The following SAMHD1 variants were observed in gnomAD, a reference collection of about 807,000 sequenced individuals.
The protein encoded by SAMHD1 is SAM and HD domain containing deoxynucleoside triphosphate triphosphohydrolase 1.
Under a neutral mutation model 79.6 loss-of-function variants are expected in SAMHD1, and 54 were observed. The observed-to-expected ratio is 0.68, with a 90% CI of 0.55 to 0.85. The LOEUF (loss-of-function observed/expected upper bound fraction) is 0.85. SAMHD1 is among the 40% of genes least tolerant of loss of function. The pLI, the probability that SAMHD1 is intolerant of heterozygous loss-of-function variation, is 0.00. For synonymous variants in SAMHD1, 260 were observed against 264.1 expected, an observed-to-expected ratio of 0.98 and a Z score of 0.15; for missense variants, 663 against 782.7, an observed-to-expected ratio of 0.85 and a Z score of 1.82.
intron 4 of SAMHD1, 197 bp from the exon 5 acceptor site, chr20:36,931,072 C>A: frequency 1.6e-6 from 1 of 610,286 alleles, no homozygotes; most frequent in Non-Finnish European, 3.0e-6. Context: ...TCAATATCAC[C>A]AATCATTAGA....
At chr20:36,904,546 G>A (rs1382395607) in intron 12 of SAMHD1, 16 of 358,428 alleles carry the variant, frequency 4.5e-5, no homozygotes, top group Admixed American at 3.6e-4. Flanking sequence ...GTGAAACCCC[G>A]TCTCTACTAA....
chr20:36,920,831 T>C (rs1185609182), intron 6 of SAMHD1, among the ~76,000 whole-genome samples: 1 of 151,412 alleles, frequency 6.6e-6, no homozygotes, highest in Non-Finnish European at 1.5e-5. Flanking sequence ...TTTGTAATCC[T>C]AGCATTTTTT....
At chr20:36,912,895 T>TG (rs1162498610) in intron 9 of SAMHD1, among the ~76,000 whole-genome samples, 3 of 128,626 alleles carry the variant, frequency 2.3e-5, no homozygotes, top group East Asian at 4.2e-4. Context: ...CTTTGTTTTT[T>TG]TTTTTTTTTT....
intron 11 of SAMHD1, among the ~76,000 whole-genome samples, chr20:36,906,882 C>G (rs1340736454): frequency 6.6e-6 from 1 of 151,678 alleles, no homozygotes; most frequent in Non-Finnish European, 1.5e-5. Flanking sequence ...ACCTCTACCT[C>G]CTAGGTTCAA....
At chr20:36,935,500 T>A (rs1282368435) in intron 3 of SAMHD1, 2 of 374,282 alleles carry the variant, frequency 5.3e-6, no homozygotes, top group Non-Finnish European at 1.0e-5. Context: ...AAGTTAAACA[T>A]GCATATTCAT....
rs771698070 is a variant in SAMHD1, at chr20:36,947,405, GGTGTGTGTGT to G, written c.209-611_209-602del. Among the ~76,000 whole-genome samples the G allele has an allele frequency of 5.2e-4, 15 of 29,122 alleles. No individual in the cohort carries two copies. In the South Asian group the frequency reaches 6.0e-3, roughly 12 times the overall value. 19.1% of individuals were successfully genotyped at this position (29,122 alleles called of 152,430 possible). A position where few individuals can be genotyped will look rare whatever the true frequency, so the allele number is the denominator to read the frequency against. On this transcript the variant is annotated intron_variant, in intron 1 of 15. Coordinates refer to ENST00000646673, the MANE Select transcript of SAMHD1 (RefSeq NM_015474.4). ...GAAGAGGTGTGTGTGATTTGGAAGA[GGTGTGTGTGT>G]GTGTGTGTGTGTGTGTGTGTGTGTG... is the stretch of plus-strand genomic sequence containing the variant.
chr20:36,894,229 T>A (rs1990152478), intron 15 of SAMHD1: 1 of 293,776 alleles, frequency 3.4e-6, no homozygotes, highest in Non-Finnish European at 6.1e-6. Context: ...AAATAGTTTT[T>A]AAAAAATGTG....
chr20:36,908,887 A>C (rs959128605), intron 11 of SAMHD1, among the ~76,000 whole-genome samples: 35 of 152,272 alleles, frequency 2.3e-4, no homozygotes, highest in African/African-American at 7.7e-4. Flanking sequence ...CTCCATTTTC[A>C]GAGCCTCCAG....
chr20:36,892,427 A>T lies in SAMHD1; in HGVS notation c.*505T>A, dbSNP rs747128919. ...AGCCATGTTTGTCAATGACAATGTCAATTTCTAGTTCCAATTTGTACCCTT... is the reference window on the plus strand; with the variant it reads ...AGCCATGTTTGTCAATGACAATGTCTATTTCTAGTTCCAATTTGTACCCTT... On this transcript the variant is annotated 3_prime_UTR_variant, in exon 16 of 16. Coordinates refer to ENST00000646673, the MANE Select transcript of SAMHD1 (RefSeq NM_015474.4). 1.4e-3 allele frequency: 259 copies of T among 191,538 alleles called. No individual in the cohort carries two copies. The highest frequency in any genetic ancestry group is 2.5e-3 in the Non-Finnish European group (229 of 92,016). 11.9% of individuals were successfully genotyped at this position (191,538 alleles called of 1,614,324 possible).
At chr20:36,922,178 C>T (rs940727216) in intron 6 of SAMHD1, among the ~76,000 whole-genome samples, 5 of 152,140 alleles carry the variant, frequency 3.3e-5, no homozygotes, top group Admixed American at 6.5e-5. Flanking sequence ...AAAATGGCAA[C>T]TAAATGCAAT....
At chr20:36,930,462 T>A (rs1011683183) in intron 5 of SAMHD1, among the ~76,000 whole-genome samples, 1 of 151,204 alleles carries the variant, frequency 6.6e-6, no homozygotes, top group African/African-American at 2.4e-5. Context: ...AGCCACTCAC[T>A]CCAGCGTGGG....
intron 3 of SAMHD1, among the ~76,000 whole-genome samples, chr20:36,936,549 G>A (rs1049772603): frequency 2.6e-5 from 4 of 151,790 alleles, no homozygotes; most frequent in East Asian, 1.9e-4. Flanking sequence ...CCTCGTGTCC[G>A]CCCGCCTCAG....
intron 5 of SAMHD1, among the ~76,000 whole-genome samples, chr20:36,927,788 G>T (rs1280375406): frequency 6.6e-6 from 1 of 152,052 alleles, no homozygotes; most frequent in African/African-American, 2.4e-5. Context: ...CAGTCACCAG[G>T]TTTTACATAA....
At chr20:36,894,766 C>CA (rs892995430) in intron 15 of SAMHD1, among the ~76,000 whole-genome samples, 5 of 151,468 alleles carry the variant, frequency 3.3e-5, no homozygotes, top group Non-Finnish European at 5.9e-5. Context: ...GACTCTGTCT[C>CA]AAAAAAAAGT....
At chr20:36,910,486 C>G (rs1024774184) in intron 11 of SAMHD1, among the ~76,000 whole-genome samples, 4 of 151,830 alleles carry the variant, frequency 2.6e-5, no homozygotes, top group African/African-American at 9.7e-5. Context: ...TCCTAGCACT[C>G]TGGGAGATGG....
At chr20:36,937,817 C>T (rs752596098) in intron 3 of SAMHD1, among the ~76,000 whole-genome samples, 16 of 149,632 alleles carry the variant, frequency 1.1e-4, no homozygotes, top group Non-Finnish European at 2.2e-4. Flanking sequence ...TTTCCAACAA[C>T]TGTCATTTAT....
intron 9 of SAMHD1, among the ~76,000 whole-genome samples, chr20:36,913,219 A>G (rs1271436490): frequency 4.0e-5 from 6 of 150,474 alleles, no homozygotes; most frequent in African/African-American, 1.5e-4. Flanking sequence ...GGATGGTCTC[A>G]ATCTCCTGAC....
intron 6 of SAMHD1, chr20:36,926,981 G>C (rs1161607513): frequency 1.9e-6 from 1 of 538,932 alleles, no homozygotes. Flanking sequence ...TTTGTAAAAA[G>C]GGAGATAACG....
intron 12 of SAMHD1, chr20:36,904,574 GGGCGTGGT>G: frequency 3.0e-6 from 1 of 336,642 alleles, no homozygotes; most frequent in South Asian, 2.4e-5. Context: ...AAAATTAGCT[GGGCGTGGT>G]GGCGGGTGCC....
Sources: allele counts gnomAD v4.1 joint callset (sites outside exome capture counted in the v4.1 genomes callset), GRCh38; gene constraint gnomAD v4.1.1; transcripts MANE v1.5; gene names NCBI Gene and HGNC (gene_info 2026-07-23, HGNC 2026-07-21).